Variants in LBHD1 observed in about 807,000 individuals in gnomAD.
LBHD1 encodes the protein LBH domain containing 1.
LBHD1 carries 28 observed loss-of-function variants against 31.1 expected under a neutral mutation model. The ratio of observed to expected loss-of-function variants is 0.90; its 90% CI spans 0.67 to 1.24. The LOEUF (loss-of-function observed/expected upper bound fraction) is 1.24, where lower values mean the gene tolerates loss of function less well. Among genes scored for constraint, LBHD1 ranks in the 50% most tolerant of loss-of-function variants. LBHD1 has a pLI of 0.00. For missense variants in LBHD1, 350 were observed against 323.0 expected (o/e 1.08, Z -0.64); for synonymous variants, 105 against 116.5 (o/e 0.90, Z 0.63).
At chr11:62,666,932 C>CCTGA in intron 4 of LBHD1, 15 of 1,614,104 alleles carry the variant, frequency 9.3e-6, no homozygotes, top group Non-Finnish European at 1.3e-5. Flanking sequence ...AGATGAGGAC[C>CCTGA]CTGATGTGCG....
chr11:62,665,912 G>T, intron 4 of LBHD1: 1 of 1,613,352 alleles, frequency 6.2e-7, no homozygotes, highest in Non-Finnish European at 8.5e-7. Context: ...TCCACTTGCC[G>T]AGCCTGATGA....
At chr11:62,670,353 G>A (rs769285395) in intron 1 of LBHD1, 2 of 341,152 alleles carry the variant, frequency 5.9e-6, no homozygotes, top group South Asian at 1.5e-4. Flanking sequence ...TTCCCAACCT[G>A]GTATGTTTGT....
intron 1 of LBHD1, 66 bp downstream of exon 1, chr11:62,671,498 A>C (rs562117187): frequency 1.1e-4 from 145 of 1,376,350 alleles, no homozygotes; most frequent in Non-Finnish European, 1.3e-4. Context: ...AATTGAGGAC[A>C]CAGGGTCCCC....
chr11:62,665,165 C>CTA (rs1313117163), intron 4 of LBHD1, 192 bp from the exon 5 acceptor site: 2 of 890,396 alleles, frequency 2.2e-6, no homozygotes, highest in Non-Finnish European at 3.6e-6. Context: ...CCCCGGAGCT[C>CTA]CCATAGTCGC....
intron 3 of LBHD1, 178 bp from the exon 4 acceptor site, chr11:62,667,925 CGGGATAGTGGCACA>C (rs1944862531): frequency 1.7e-6 from 1 of 573,644 alleles, no homozygotes; most frequent in African/African-American, 1.9e-5. Flanking sequence ...CAAATGAGCC[CGGGATAGTGGCACA>C]GGCATGTAGT....
intron 4 of LBHD1, chr11:62,665,907 T>C: frequency 6.2e-7 from 1 of 1,613,450 alleles, no homozygotes; most frequent in Non-Finnish European, 8.5e-7. Flanking sequence ...AATGCTCCAC[T>C]TGCCGAGCCT....
intron 3 of LBHD1, chr11:62,668,637 C>T (rs1944883524): frequency 1.3e-5 from 2 of 151,668 alleles, no homozygotes; most frequent in Admixed American, 6.6e-5. Context: ...CCTGTCTCTA[C>T]TAAAAATACA....
intron 4 of LBHD1, 121 bp from the exon 5 acceptor site, chr11:62,665,094 G>A: frequency 6.9e-7 from 1 of 1,439,394 alleles, no homozygotes; most frequent in Non-Finnish European, 9.5e-7. Flanking sequence ...GCTCAGGAAC[G>A]CTTGAGGAAA....
In LBHD1 at chr11:62,666,397, C is replaced by T. The variant is rs767936986; in HGVS notation, c.538+1126G>A. 3.1e-6 allele frequency: 5 copies of T among 1,608,406 alleles called. No individual in the cohort carries two copies. The Admixed American group carries it at 6.7e-5, about 21-fold the overall frequency. On this transcript the variant is annotated intron_variant, in intron 4 of 6. Coordinates refer to ENST00000354588, the MANE Select transcript of LBHD1 (RefSeq NM_024099.5). ...GACACCCTCCAACCGTGCCCACAGG[C>T]TCACTGGCTGATAGTTGCCTGGCGG... is the stretch of plus-strand genomic sequence containing the variant.
chr11:62,667,176 G>A (rs1944843071), intron 4 of LBHD1: 1 of 974,790 alleles, frequency 1.0e-6, no homozygotes, highest in Non-Finnish European at 1.5e-6. Flanking sequence ...TACTAGCTGG[G>A]TGCCATATTG....
chr11:62,668,854 G>A (rs1282898093), intron 3 of LBHD1, among the ~76,000 whole-genome samples: 1 of 151,560 alleles, frequency 6.6e-6, no homozygotes, highest in African/African-American at 2.4e-5. Context: ...AGTACACAGA[G>A]ATGAAAAAAG....
In LBHD1 at chr11:62,662,831, C is replaced by G. The variant is rs971920304; in HGVS notation, c.*298G>C. ...TCACACACATCTCAGAGTGCTAGGGCTTTATTACAAATGGAGTTGACTGCT... is the reference window on the plus strand; with the variant it reads ...TCACACACATCTCAGAGTGCTAGGGGTTTATTACAAATGGAGTTGACTGCT... On this transcript the variant is annotated 3_prime_UTR_variant, in exon 7 of 7. Transcript: ENST00000354588. The G allele has an allele frequency of 1.8e-6, 1 of 559,102 alleles. No homozygotes were observed. The allele number at this position is 559,102 out of a possible 1,614,324, so 34.6% of individuals were successfully genotyped here. A position where few individuals can be genotyped will look rare whatever the true frequency, so the allele number is the denominator to read the frequency against.
At position 62,664,952 on chromosome 11, in the gene LBHD1, TG is replaced by T; in HGVS notation, c.559del (p.Gln187LysfsTer104). On this transcript the variant is annotated frameshift_variant, in exon 5 of 7. Transcript: ENST00000354588. LOFTEE classifies it high-confidence loss of function. ...TCCCGATTCAACACCCGCCGGCGTT[TG>T]AACAGCTTCTTCTTCAGCTCCTGCC... is the stretch of plus-strand genomic sequence containing the variant. The part of the protein sequence containing the change: ...SFEGAEEEAV[Q>X]TPAGVESGAA... 6.2e-7 allele frequency: 1 copy of T among 1,612,102 alleles called. No homozygotes were observed. Among genetic ancestry groups the T allele is most frequent in the Non-Finnish European group, 8.5e-7 (1 of 1,179,518 alleles).
intron 4 of LBHD1, 42 bp from the exon 5 acceptor site, chr11:62,665,015 C>G: frequency 6.2e-7 from 1 of 1,602,390 alleles, no homozygotes; most frequent in Non-Finnish European, 8.5e-7. Context: ...GTGGGCTCGC[C>G]GCGACCCGGG....
chr11:62,668,295 T>A (rs1448629881), intron 3 of LBHD1: 1 of 152,478 alleles, frequency 6.6e-6, no homozygotes, highest in Non-Finnish European at 1.5e-5. Context: ...GCCTGGGCAA[T>A]ATGGTGAAAC....
In LBHD1 at chr11:62,671,947, C is replaced by A. The variant is rs773754682; in HGVS notation, c.-394G>T. 24 of 1,613,944 alleles carry A rather than the reference C, an allele frequency of 1.5e-5. No homozygotes were observed. Among genetic ancestry groups the A allele is most frequent in the Non-Finnish European group, 1.8e-5 (21 of 1,179,968 alleles). The stretch of plus-strand genomic sequence containing the variant: ...AGCTCCTGCGAACTCCCCTTCCTGC[C>A]CTCAGGAGATGCCACTGCAGGACCC... On this transcript the variant is annotated 5_prime_UTR_variant, in exon 1 of 7. Transcript: ENST00000354588.
intron 4 of LBHD1, chr11:62,665,607 T>A (rs774440347): frequency 6.4e-7 from 1 of 1,563,926 alleles, no homozygotes; most frequent in Non-Finnish European, 8.6e-7. Context: ...TCCAGCTGGC[T>A]CCTCCATCGG....
intron 5 of LBHD1, among the ~76,000 whole-genome samples, chr11:62,664,326 CTTTT>C (rs35917869): frequency 1.3e-5 from 1 of 77,430 alleles, no homozygotes. Context: ...TCCTGATATT[CTTTT>C]TTTTTTTTTT....
At position 62,669,898 on chromosome 11, in the gene LBHD1, C is replaced by T. The variant is rs1944907989; in HGVS notation, c.134G>A (p.Gly45Asp). The T allele has an allele frequency of 1.9e-6, 3 of 1,614,094 alleles. No homozygotes were observed. In the African/African-American group the frequency reaches 4.0e-5, roughly 22 times the overall value. The change falls in exon 2 of 7, where the codon GGT becomes GAT. Residue 45 changes from glycine (G) to aspartate (D), a missense_variant. By Grantham distance (94) the Gly-to-Asp change is moderately conservative. Coordinates refer to ENST00000354588, the MANE Select transcript of LBHD1 (RefSeq NM_024099.5). The part of the protein sequence containing the change: ...WDRGKIGKVE[G>D]HQHIQDFSQK... ...AGTACTAACCTGAATGTGCTGGTGACCTTCAACCTTGCCAATTTTTCCTCT... is the reference window on the plus strand; with the variant it reads ...AGTACTAACCTGAATGTGCTGGTGATCTTCAACCTTGCCAATTTTTCCTCT...
Sources: allele counts gnomAD v4.1 joint callset (sites outside exome capture counted in the v4.1 genomes callset), GRCh38; gene constraint gnomAD v4.1.1; transcripts MANE v1.5; gene names NCBI Gene and HGNC (gene_info 2026-07-23, HGNC 2026-07-21).